Variants in NBAS observed in about 807,000 individuals in gnomAD.
The protein encoded by NBAS is NBAS subunit of NRZ tethering complex.
A neutral mutation model predicts 302.5 loss-of-function variants in NBAS; 219 were observed. That is an observed-to-expected ratio of 0.72 (90% CI 0.65 to 0.81). The LOEUF (loss-of-function observed/expected upper bound fraction) is 0.81. Among genes scored for constraint, NBAS ranks in the 30% least tolerant of loss-of-function variants. NBAS has a pLI of 0.00. For synonymous variants in NBAS, 1,118 were observed against 1,021.6 expected (o/e 1.09, Z -1.80); for missense variants, 2,932 against 2,841.6 (o/e 1.03, Z -0.72).
the NBAS span, among the ~76,000 whole-genome samples, chr2:15,159,376 T>C: frequency 6.6e-6 from 1 of 152,208 alleles, no homozygotes; most frequent in African/African-American, 2.4e-5. Context: ...GGTGTTATGA[T>C]GCTGACTACT....
At chr2:14,913,442 G>T in the NBAS span, among the ~76,000 whole-genome samples, 1 of 152,320 alleles carries the variant, frequency 6.6e-6, no homozygotes, top group African/African-American at 2.4e-5. Context: ...AATCATAAAG[G>T]CCTAAAGGTG....
intron 35 of NBAS, among the ~76,000 whole-genome samples, chr2:15,331,543 T>TAG (rs1426269519): frequency 1.3e-5 from 2 of 152,238 alleles, no homozygotes; most frequent in Non-Finnish European, 2.9e-5. Context: ...CCTTAAGGCT[T>TAG]AGTTTATCAA....
At chr2:15,225,748 C>T (rs750859629) in intron 47 of NBAS, among the ~76,000 whole-genome samples, 1 of 152,140 alleles carries the variant, frequency 6.6e-6, no homozygotes, top group Non-Finnish European at 1.5e-5. Context: ...AGGAATTCTG[C>T]ATTAATTACC....
At chr2:15,172,941 C>T (rs377244464) in intron 51 of NBAS, among the ~76,000 whole-genome samples, 1 of 152,164 alleles carries the variant, frequency 6.6e-6, no homozygotes, top group Non-Finnish European at 1.5e-5. Flanking sequence ...GTTTCCACAT[C>T]AGAAATACAC....
the NBAS span, among the ~76,000 whole-genome samples, chr2:14,905,025 C>T: frequency 2.6e-5 from 4 of 152,072 alleles, no homozygotes; most frequent in African/African-American, 7.2e-5. Flanking sequence ...CCAGCCTGGG[C>T]GACAGAGTGA....
At chr2:15,558,433 T>C (rs1664745380) in intron 2 of NBAS, 147 bp downstream of exon 2, 1 of 621,408 alleles carries the variant, frequency 1.6e-6, no homozygotes. Flanking sequence ...TGTATACATA[T>C]ACATACATAT....
intron 25 of NBAS, among the ~76,000 whole-genome samples, chr2:15,409,564 T>G (rs1004757269): frequency 1.3e-5 from 2 of 152,236 alleles, no homozygotes; most frequent in African/African-American, 4.8e-5. Flanking sequence ...TCCATCCATT[T>G]AATGTTTTGC....
chr2:15,220,092 A>C (rs1314550879), intron 47 of NBAS, among the ~76,000 whole-genome samples: 2 of 103,624 alleles, frequency 1.9e-5, no homozygotes, highest in African/African-American at 3.9e-5. Context: ...GACCCCCCCC[A>C]CCTCCCTCCT....
chr2:15,232,000 C>T (rs4668886), intron 47 of NBAS, among the ~76,000 whole-genome samples: 37 of 152,170 alleles, frequency 2.4e-4, no homozygotes, highest in Non-Finnish European at 4.9e-4. Flanking sequence ...CACTTTGAGT[C>T]CTAAAACAAA....
rs979376843 is a variant in NBAS, at chr2:15,333,924, A to G, written c.4180-3159T>C. Among the ~76,000 whole-genome samples, 3 of 151,996 alleles carry G rather than the reference A, an allele frequency of 2.0e-5. No homozygotes were observed. The East Asian group carries it at 5.8e-4, about 29-fold the overall frequency. ...TCGTACAGAGAGGAAACAAAGACCT[A>G]GATACATTATTTACCAGCAGTAAAG... On this transcript the variant is annotated intron_variant, in intron 35 of 51. Coordinates refer to ENST00000281513, the MANE Select transcript of NBAS (RefSeq NM_015909.4).
chr2:15,411,872 G>T (rs1676703929), intron 25 of NBAS, among the ~76,000 whole-genome samples: 1 of 152,080 alleles, frequency 6.6e-6, no homozygotes, highest in Non-Finnish European at 1.5e-5. Context: ...AAGATTACTA[G>T]TTTAGAAGTC....
chr2:15,437,675 A>C (rs957678230), intron 21 of NBAS, among the ~76,000 whole-genome samples: 3 of 152,236 alleles, frequency 2.0e-5, no homozygotes, highest in African/African-American at 7.2e-5. Context: ...GAATTTGAAG[A>C]AAACAGTTCT....
chr2:15,362,989 G>C (rs753310877), intron 32 of NBAS, among the ~76,000 whole-genome samples: 2 of 152,130 alleles, frequency 1.3e-5, no homozygotes, highest in Non-Finnish European at 2.9e-5. Context: ...TTGGGAGGCT[G>C]CGACAGGTGA....
chr2:15,353,346 T>C (rs1399527656), intron 34 of NBAS, among the ~76,000 whole-genome samples: 3 of 152,246 alleles, frequency 2.0e-5, no homozygotes, highest in African/African-American at 7.2e-5. Flanking sequence ...GGCTGTCTTG[T>C]ATCCTTTCTT....
intron 16 of NBAS, among the ~76,000 whole-genome samples, chr2:15,468,997 T>A (rs1572895298): frequency 6.6e-6 from 1 of 152,314 alleles, no homozygotes; most frequent in Non-Finnish European, 1.5e-5. Context: ...AGGGTGTGAA[T>A]AACTTGATCA....
chr2:15,373,567 G>C (rs943618727), intron 31 of NBAS, among the ~76,000 whole-genome samples: 1 of 152,178 alleles, frequency 6.6e-6, no homozygotes, highest in African/African-American at 2.4e-5. Context: ...TTGGACTAAA[G>C]TGAACCTCCT....
chr2:15,140,501 A>T, the NBAS span, among the ~76,000 whole-genome samples: 1 of 152,238 alleles, frequency 6.6e-6, no homozygotes, highest in African/African-American at 2.4e-5. Context: ...CATAGTTCTT[A>T]TGCTTCTCAT....
the NBAS span, among the ~76,000 whole-genome samples, chr2:14,849,029 C>T: frequency 6.6e-6 from 1 of 151,198 alleles, no homozygotes; most frequent in Admixed American, 6.6e-5. Context: ...CTCTCCTCTT[C>T]CAAAGGAACG....
At chr2:15,137,593 G>T in the NBAS span, among the ~76,000 whole-genome samples, 22 of 152,058 alleles carry the variant, frequency 1.4e-4, no homozygotes, top group African/African-American at 4.8e-4. Context: ...CAAGTTAATG[G>T]TACCTTCAGT....
Sources: allele counts gnomAD v4.1 joint callset (sites outside exome capture counted in the v4.1 genomes callset), GRCh38; gene constraint gnomAD v4.1.1; transcripts MANE v1.5; gene names NCBI Gene and HGNC (gene_info 2026-07-23, HGNC 2026-07-21).